Variants in SPIRE1 observed in about 807,000 individuals in gnomAD.
SPIRE1 encodes spire type actin nucleation factor 1, also known as protein spire homolog 1.
SPIRE1 carries 40 observed loss-of-function variants against 94.1 expected under a neutral mutation model. The observed-to-expected ratio is 0.43, with a 90% CI of 0.33 to 0.55. The LOEUF is 0.55. Among genes scored for constraint, SPIRE1 ranks in the 20% least tolerant of loss-of-function variants. The probability of loss-of-function intolerance (pLI) is 0.06; values close to 1 mark genes in which losing one functional copy is unlikely to be tolerated. For missense variants in SPIRE1, 838 were observed against 975.2 expected (o/e 0.86, Z 1.87); for synonymous variants, 376 against 371.7 (o/e 1.01, Z -0.13).
At chr18:12,567,956 T>G (rs71351489) in intron 2 of SPIRE1, among the ~76,000 whole-genome samples, 782 of 152,368 alleles carry the variant, frequency 5.1e-3, no homozygotes, top group Non-Finnish European at 8.1e-3. Context: ...TTATGACTGC[T>G]GCTTTAACTC....
intron 2 of SPIRE1, among the ~76,000 whole-genome samples, chr18:12,600,288 CCTAA>C (rs765836522): frequency 1.3e-5 from 2 of 152,094 alleles, no homozygotes; most frequent in Admixed American, 6.5e-5. Flanking sequence ...AGGCCAGACT[CCTAA>C]CTAACAAAAT....
At chr18:12,619,225 A>T (rs1486855423) in intron 2 of SPIRE1, among the ~76,000 whole-genome samples, 1 of 152,160 alleles carries the variant, frequency 6.6e-6, no homozygotes, top group Non-Finnish European at 1.5e-5. Flanking sequence ...AATAAACAGC[A>T]AGAGGGCCGG....
intron 2 of SPIRE1, among the ~76,000 whole-genome samples, chr18:12,621,179 AC>A (rs1185756770): frequency 2.6e-5 from 4 of 152,220 alleles, no homozygotes; most frequent in Admixed American, 2.6e-4. Context: ...CACATGAAAT[AC>A]CATTTTACAT....
intron 2 of SPIRE1, among the ~76,000 whole-genome samples, chr18:12,619,682 C>T (rs953666166): frequency 4.0e-5 from 6 of 151,492 alleles, no homozygotes; most frequent in African/African-American, 1.5e-4. Flanking sequence ...CCTGTCTCTA[C>T]TAAGAATACA....
At position 12,559,395 on chromosome 18, in the gene SPIRE1, G is replaced by A. The variant is rs190040354; in HGVS notation, c.373-12491C>T. ...CGGCAGCTCTGAGTGCTGGCCGGGC[G>A]AGACTGCACCCACCCGGAACTCGTG... On this transcript the variant is annotated intron_variant, in intron 2 of 16. Transcript: ENST00000409402. The surrounding 1 kb of genome is among the most constrained non-coding windows in gnomAD (Gnocchi z 4.7). 1.0e-3 allele frequency among the ~76,000 whole-genome samples: 154 copies of A among 152,276 alleles called. No individual in the cohort carries two copies. The highest frequency in any genetic ancestry group is 2.6e-3 in the African/African-American group (107 of 41,568).
chr18:12,558,471 G>C (rs1339220637), intron 2 of SPIRE1, among the ~76,000 whole-genome samples: 1 of 152,210 alleles, frequency 6.6e-6, no homozygotes, highest in African/African-American at 2.4e-5. Flanking sequence ...CATGGAAGGG[G>C]ACTCGAGCAG....
Position 12,658,033 on chromosome 18 carries a change from C to A in SPIRE1, c.-167G>T. 1 of 992,810 alleles carries A rather than the reference C, an allele frequency of 1.0e-6. No individual in the cohort carries two copies. The highest frequency in any genetic ancestry group is 1.2e-6 in the Non-Finnish European group (1 of 836,028). 61.5% of individuals were successfully genotyped at this position (992,810 alleles called of 1,614,324 possible). A position where few individuals can be genotyped will look rare whatever the true frequency, so the allele number is the denominator to read the frequency against. ...CAGGCGAGTGCCCGGGAGGCGTGGG[C>A]AAGAGGAGGGCGGCGAGGACACGGC... is the stretch of plus-strand genomic sequence containing the variant. On this transcript the variant is annotated 5_prime_UTR_variant, in exon 1 of 17. Transcript: ENST00000409402.
intron 2 of SPIRE1, among the ~76,000 whole-genome samples, chr18:12,554,003 C>A (rs1268846975): frequency 6.6e-6 from 1 of 151,968 alleles, no homozygotes; most frequent in Non-Finnish European, 1.5e-5. Context: ...TAAAAGGAGA[C>A]ATTAGAACTG....
At chr18:12,650,790 G>A (rs1426842499) in intron 1 of SPIRE1, among the ~76,000 whole-genome samples, 1 of 149,754 alleles carries the variant, frequency 6.7e-6, no homozygotes, top group Non-Finnish European at 1.5e-5. Flanking sequence ...GAGGTGGGAG[G>A]ATTGCTTGAA....
chr18:12,538,994 C>T (rs1041335053), intron 3 of SPIRE1, among the ~76,000 whole-genome samples: 4 of 152,222 alleles, frequency 2.6e-5, no homozygotes, highest in Admixed American at 6.5e-5. Flanking sequence ...CTTCCTCTCT[C>T]ACTAGTCTAC....
intron 6 of SPIRE1, among the ~76,000 whole-genome samples, chr18:12,499,312 C>T (rs1404431351): frequency 1.3e-5 from 2 of 152,174 alleles, no homozygotes; most frequent in Admixed American, 6.5e-5. Context: ...ATGGATTGAA[C>T]ATAGGTGTAT....
At chr18:12,619,381 G>A (rs181064556) in intron 2 of SPIRE1, among the ~76,000 whole-genome samples, 58 of 151,888 alleles carry the variant, frequency 3.8e-4, no homozygotes, top group African/African-American at 1.3e-3. Context: ...GGTGGCAGGC[G>A]CCTGTAATCC....
chr18:12,476,130 T>A (rs2032562429), intron 10 of SPIRE1, among the ~76,000 whole-genome samples: 1 of 152,220 alleles, frequency 6.6e-6, no homozygotes, highest in African/African-American at 2.4e-5. Flanking sequence ...TACTGTCTCA[T>A]CAATAGAAAG....
intron 1 of SPIRE1, among the ~76,000 whole-genome samples, chr18:12,638,048 T>C (rs2037983983): frequency 6.6e-6 from 1 of 152,184 alleles, no homozygotes; most frequent in Non-Finnish European, 1.5e-5. Context: ...GCCATCCAAA[T>C]TCCTGCTCAA....
chr18:12,628,434 C>T (rs2144783128), intron 2 of SPIRE1, among the ~76,000 whole-genome samples: 1 of 152,254 alleles, frequency 6.6e-6, no homozygotes, highest in Non-Finnish European at 1.5e-5. Context: ...CAGTACCATG[C>T]TGTTTTGGTT....
rs1051948047 is a variant in SPIRE1 at position 12,486,037 on chromosome 18, T to C, written c.1190-37A>G. The C allele has an allele frequency of 6.0e-6, 9 of 1,487,950 alleles. No homozygotes were observed. The African/African-American group carries it at 1.3e-4, about 21-fold the overall frequency. The allele number at this position is 1,487,950 out of a possible 1,614,324, so 92.2% of individuals were successfully genotyped here. A position where few individuals can be genotyped will look rare whatever the true frequency, so the allele number is the denominator to read the frequency against. Reference sequence around the variant, plus strand: ...AAAACAAACAATAAAAAGAAAATAATTCAGCTGTTAGGAATATACAGAGAG... The same window carrying C: ...AAAACAAACAATAAAAAGAAAATAACTCAGCTGTTAGGAATATACAGAGAG... On this transcript the variant is annotated intron_variant, in intron 8 of 16. Transcript: ENST00000409402.
chr18:12,485,380 C>T (rs912308204), intron 9 of SPIRE1, among the ~76,000 whole-genome samples: 9 of 152,178 alleles, frequency 5.9e-5, no homozygotes, highest in African/African-American at 2.2e-4. Context: ...GCTGGGATTA[C>T]AGGCGTGAGC....
chr18:12,559,129 G>C lies in SPIRE1; in HGVS notation c.373-12225C>G, dbSNP rs938176460. On this transcript the variant is annotated intron_variant, in intron 2 of 16. Transcript: ENST00000409402. The surrounding 1 kb of genome is among the most constrained non-coding windows in gnomAD (Gnocchi z 4.7). ...AGATGGGACCAGGCACCTTGGAGCAGGGGGAGGCGCCCCCTGGGGAGGCTC... is the reference window on the plus strand; with the variant it reads ...AGATGGGACCAGGCACCTTGGAGCACGGGGAGGCGCCCCCTGGGGAGGCTC... Among the ~76,000 whole-genome samples, 2 of 150,696 alleles carry C rather than the reference G, an allele frequency of 1.3e-5. No homozygotes were observed. The highest frequency in any genetic ancestry group is 4.8e-5 in the African/African-American group (2 of 41,266).
At chr18:12,512,429 A>C in intron 5 of SPIRE1, 25 bp downstream of exon 5, 1 of 1,550,536 alleles carries the variant, frequency 6.4e-7, no homozygotes, top group Non-Finnish European at 8.9e-7. Flanking sequence ...CAGTAAACAG[A>C]TCAGAAAGCA....
Sources: gnomAD v4.1 joint callset for allele counts (sites outside exome capture counted in the v4.1 genomes callset) on GRCh38, gnomAD v4.1.1 for gene constraint, Gnocchi (gnomAD v3.1) non-coding constraint, MANE v1.5 for transcripts, NCBI Gene and HGNC (gene_info 2026-07-23, HGNC 2026-07-21) for gene names.